ASIC2: variants seen among roughly 807,000 people sequenced by gnomAD.
ASIC2 encodes the protein acid-sensing ion channel 2.
ASIC2 carries 25 observed loss-of-function variants against 57.3 expected under a neutral mutation model. The ratio of observed to expected loss-of-function variants is 0.44; its 90% CI spans 0.32 to 0.61. The LOEUF (loss-of-function observed/expected upper bound fraction) is 0.61, where lower values mean the gene tolerates loss of function less well. Ranked by LOEUF, ASIC2 falls within the 20% of genes least tolerant of loss-of-function variation. ASIC2 has a pLI of 0.06. For synonymous variants in ASIC2, 319 were observed against 307.5 expected (o/e 1.04, Z -0.39); for missense variants, 641 against 738.1 (o/e 0.87, Z 1.52).
In ASIC2 at chr17:34,038,682, C is replaced by T. The variant is rs555129869; in HGVS notation, c.555+117296G>A. 6.9e-4 allele frequency: 1,094 copies of T among 1,594,492 alleles called. 1 individual carries two copies. The highest frequency in any genetic ancestry group is 1.3e-3 in the Admixed American group (80 of 60,000). On this transcript the variant is annotated intron_variant, in intron 1 of 9. Transcript: ENST00000359872. ...TCCAGCTCTGCCTGGATCTCTGCTT[C>T]CTCCTTTTTAAGATGACCTAATCTG... is the stretch of plus-strand genomic sequence containing the variant.
rs1915193103 is a variant in ASIC2 at position 33,899,878 on chromosome 17, T to C, written c.555+256100A>G. Among the ~76,000 whole-genome samples the C allele has an allele frequency of 3.3e-5, 5 of 152,338 alleles. No homozygotes were observed. In the South Asian group the frequency reaches 1.0e-3, roughly 32 times the overall value. ...ATTTAAAGTTCCAGAATAGTCTACATGAATAGAGATCTGTGGAGCTGTGAA... is the reference window on the plus strand; with the variant it reads ...ATTTAAAGTTCCAGAATAGTCTACACGAATAGAGATCTGTGGAGCTGTGAA... On this transcript the variant is annotated intron_variant, in intron 1 of 9. Transcript: ENST00000359872.
chr17:33,014,063 T>C lies in ASIC2; in HGVS notation c.1594A>G (p.Thr532Ala). Reference sequence around the variant, plus strand: ...GAGTGGTTTGGCATTGTGTCACAAGTACTCTGGAAGGGAAGGGTTGGTGGG... The same window carrying C: ...GAGTGGTTTGGCATTGTGTCACAAGCACTCTGGAAGGGAAGGGTTGGTGGG... ...DEGSHDENVS[T>A]CDTMPNHSET... is the part of the protein sequence containing the mutation. Residue 532 changes from threonine (T) to alanine (A), a missense_variant, in exon 10 of 10, where the codon ACT becomes GCT. Physicochemically the swap from Thr to Ala is moderately conservative, Grantham distance 58. Around this residue, in one of 3 missense-constraint regions of ASIC2, gnomAD observed 252 missense variants for 319.8 expected, o/e 0.79. Coordinates refer to ENST00000225823, the MANE Select transcript of ASIC2 (RefSeq NM_183377.2). 2 of 1,595,398 alleles carry C rather than the reference T, an allele frequency of 1.3e-6. No homozygotes were observed. The highest frequency in any genetic ancestry group is 1.1e-5 in the South Asian group (1 of 87,940).
intron 1 of ASIC2, among the ~76,000 whole-genome samples, chr17:33,727,758 C>T (rs534797109): frequency 2.2e-4 from 33 of 152,286 alleles, no homozygotes; most frequent in African/African-American, 7.5e-4. Flanking sequence ...TTCTTTTCTT[C>T]ATAAATTACC....
intron 3 of ASIC2, among the ~76,000 whole-genome samples, chr17:33,084,876 T>C (rs1284970463): frequency 6.6e-6 from 1 of 152,208 alleles, no homozygotes; most frequent in African/African-American, 2.4e-5. Context: ...GACTTATTTG[T>C]TTTTAGGGCA....
chr17:33,588,203 C>T (rs1291523047), intron 1 of ASIC2, among the ~76,000 whole-genome samples: 1 of 152,206 alleles, frequency 6.6e-6, no homozygotes, highest in Admixed American at 6.5e-5. Context: ...GGTATGACAT[C>T]ACATATCATC....
At chr17:34,048,680 T>C (rs766687502) in intron 1 of ASIC2, among the ~76,000 whole-genome samples, 1 of 152,228 alleles carries the variant, frequency 6.6e-6, no homozygotes, top group South Asian at 2.1e-4. Flanking sequence ...ATCTAGACCA[T>C]CACTCCTTTC....
Position 33,292,037 on chromosome 17 carries a change from G to C in ASIC2, c.79C>G (p.Pro27Ala), listed in dbSNP as rs1201388924. ...PGRFRMAREE[P>A]APAALAAAGQ... Reference sequence around the variant, plus strand: ...GCAGCCGCCAACGCCGCGGGCGCCGGCTCCTCGCGGGCCATGCGGAAGCGT... The same window carrying C: ...GCAGCCGCCAACGCCGCGGGCGCCGCCTCCTCGCGGGCCATGCGGAAGCGT... Residue 27 changes from proline (P) to alanine (A), a missense_variant, in exon 1 of 10, where the codon CCG (proline) becomes GCG (alanine). Transcript: ENST00000225823. 14 of 1,155,706 alleles carry C rather than the reference G, an allele frequency of 1.2e-5. No homozygotes were observed. The highest frequency in any genetic ancestry group is 1.5e-5 in the Non-Finnish European group (14 of 945,108). The allele number at this position is 1,155,706 out of a possible 1,614,324, so 71.6% of individuals were successfully genotyped here.
In ASIC2 at chr17:33,898,338, C is replaced by G. The variant is rs543295795; in HGVS notation, c.555+257640G>C. Among the ~76,000 whole-genome samples the G allele has an allele frequency of 8.0e-4, 115 of 143,178 alleles. 1 individual carries two copies. Among genetic ancestry groups the G allele is most frequent in the African/African-American group, 2.9e-3 (114 of 39,436 alleles). The allele number at this position is 143,178 out of a possible 152,430, so 93.9% of individuals were successfully genotyped here. A position where few individuals can be genotyped will look rare whatever the true frequency, so the allele number is the denominator to read the frequency against. ...GCAACCTCCGCCTCCCAGATTCAAG[C>G]TATTCTCCTGCCTCAACTTCCTGGG... On this transcript the variant is annotated intron_variant, in intron 1 of 9. Transcript: ENST00000359872.
intron 1 of ASIC2, among the ~76,000 whole-genome samples, chr17:33,644,195 T>C (rs746525501): frequency 3.3e-5 from 5 of 152,166 alleles, no homozygotes; most frequent in Non-Finnish European, 5.9e-5. Flanking sequence ...ATCACATTAA[T>C]CTTATATTTT....
chr17:33,750,789 T>C (rs1567705941), intron 1 of ASIC2, among the ~76,000 whole-genome samples: 1 of 152,136 alleles, frequency 6.6e-6, no homozygotes, highest in East Asian at 1.9e-4. Flanking sequence ...AAGCTTCCTG[T>C]ATGTTTTCCT....
At chr17:33,598,760 A>T (rs1905048341) in intron 1 of ASIC2, among the ~76,000 whole-genome samples, 1 of 152,230 alleles carries the variant, frequency 6.6e-6, no homozygotes, top group East Asian at 1.9e-4. Context: ...GCTGTAAGAC[A>T]TTGGTGCCTC....
chr17:33,072,123 C>T (rs223032), intron 3 of ASIC2, among the ~76,000 whole-genome samples: 74,216 of 151,856 alleles, frequency 0.49, 18,458 homozygotes, highest in East Asian at 0.65. Context: ...ACTCATAGCT[C>T]TGTGTCCTTG....
At chr17:33,256,440 C>A (rs1909075257) in intron 1 of ASIC2, among the ~76,000 whole-genome samples, 1 of 152,084 alleles carries the variant, frequency 6.6e-6, no homozygotes, top group Non-Finnish European at 1.5e-5. Flanking sequence ...ATTATACTTC[C>A]TATTATATTT....
At chr17:34,123,612 T>G (rs1295779976) in intron 1 of ASIC2, among the ~76,000 whole-genome samples, 1 of 152,192 alleles carries the variant, frequency 6.6e-6, no homozygotes, top group Admixed American at 6.5e-5. Context: ...TACAACCAGA[T>G]AGTCTAGGTC....
At chr17:33,749,090 G>T (rs1910353008) in intron 1 of ASIC2, among the ~76,000 whole-genome samples, 1 of 152,106 alleles carries the variant, frequency 6.6e-6, no homozygotes, top group Admixed American at 6.5e-5. Context: ...CCTGGGCAGG[G>T]GAGCAGGAAG....
intron 1 of ASIC2, among the ~76,000 whole-genome samples, chr17:33,891,830 T>C (rs920710718): frequency 1.3e-5 from 2 of 152,214 alleles, no homozygotes; most frequent in Non-Finnish European, 2.9e-5. Flanking sequence ...GGGCTTGCAG[T>C]ACACATCCCA....
chr17:33,876,881 T>G (rs1914559527), intron 1 of ASIC2, among the ~76,000 whole-genome samples: 1 of 152,186 alleles, frequency 6.6e-6, no homozygotes, highest in Non-Finnish European at 1.5e-5. Flanking sequence ...ACCCGTGCAT[T>G]ACGGATGGAA....
chr17:33,507,813 G>A (rs563752866), intron 1 of ASIC2, among the ~76,000 whole-genome samples: 2 of 152,324 alleles, frequency 1.3e-5, no homozygotes, highest in South Asian at 4.1e-4. Context: ...GCTGAGGCAG[G>A]AGAATTGCTT....
intron 1 of ASIC2, among the ~76,000 whole-genome samples, chr17:33,969,445 T>G (rs1905163059): frequency 6.6e-6 from 1 of 152,162 alleles, no homozygotes; most frequent in African/African-American, 2.4e-5. Flanking sequence ...CTGGGCTGTC[T>G]CACAAGCAGG....
Sources: allele counts gnomAD v4.1 joint callset (sites outside exome capture counted in the v4.1 genomes callset), GRCh38; gene constraint gnomAD v4.1.1; regional missense constraint gnomAD v4.1.1; transcripts MANE v1.5; gene names NCBI Gene and HGNC (gene_info 2026-07-23, HGNC 2026-07-21).